Variants in EIF3B observed in about 807,000 individuals in gnomAD.
The protein encoded by EIF3B is eukaryotic translation initiation factor 3 subunit 9.
Under a neutral mutation model 104.6 loss-of-function variants are expected in EIF3B, and 10 were observed. That is an observed-to-expected ratio of 0.10 (90% CI 0.06 to 0.16). EIF3B has a LOEUF of 0.16. Among genes scored for constraint, EIF3B ranks in the 10% least tolerant of loss-of-function variants. The pLI, the probability that EIF3B is intolerant of heterozygous loss-of-function variation, is 1.00. For synonymous variants in EIF3B, 542 were observed against 417.2 expected (o/e 1.30, Z -3.65); for missense variants, 1,014 against 1,087.9 (o/e 0.93, Z 0.96).
rs533417040 is a variant in EIF3B, at chr7:2,380,651, A to G, written c.*462A>G. On this transcript the variant is annotated 3_prime_UTR_variant, in exon 19 of 19. Transcript: ENST00000360876. ...GGACGTGTCCCGGAGACCCACCGGG[A>G]GGGCGCCGCCATGCCTTGTACCCCC... 4.6e-5 allele frequency: 10 copies of G among 219,452 alleles called. No homozygotes were observed. In the East Asian group the frequency reaches 1.5e-3, roughly 33 times the overall value. The allele number at this position is 219,452 out of a possible 1,614,324, so 13.6% of individuals were successfully genotyped here.
In EIF3B at chr7:2,369,632, A is replaced by G; in HGVS notation, c.1564A>G (p.Asn522Asp). 6.2e-7 allele frequency: 1 copy of G among 1,614,180 alleles called. No homozygotes were observed. Among genetic ancestry groups the G allele is most frequent in the Non-Finnish European group, 8.5e-7 (1 of 1,180,040 alleles). The change falls in exon 10 of 19, where the codon AAC becomes GAC. Residue 522 changes from asparagine to aspartate, a missense_variant. Transcript: ENST00000360876. ...VVDCKLHWQK[N>D]GDYLCVKVDR... is the part of the protein sequence containing the mutation. ...GGACTGCAAGCTCCATTGGCAGAAG[A>G]ACGGAGACTACTTGTGTGTGAAAGT...
chr7:2,376,864 C>T, intron 14 of EIF3B, 86 bp from the exon 15 acceptor site: 1 of 1,543,386 alleles, frequency 6.5e-7, no homozygotes. Flanking sequence ...GTCCCCGATA[C>T]CCAGGACCTT....
chr7:2,370,230 A>C lies in EIF3B; in HGVS notation c.1614+548A>C, dbSNP rs190769801. ...AGTGGCCCATGCCTGTAATCCCAGC[A>C]CTTTGGGAGGCCGAGGTGGGCGGAT... On this transcript the variant is annotated intron_variant, in intron 10 of 18. Coordinates refer to ENST00000360876, the MANE Select transcript of EIF3B (RefSeq NM_001037283.2). Among the ~76,000 whole-genome samples the C allele has an allele frequency of 1.3e-3, 191 of 152,256 alleles. 1 individual carries two copies. The highest frequency in any genetic ancestry group is 4.3e-3 in the African/African-American group (177 of 41,556).
Position 2,379,474 on chromosome 7 carries a change from A to G in EIF3B, c.2422A>G (p.Ile808Val), listed in dbSNP as rs1403016435. The change falls in exon 18 of 19, where the codon ATT (isoleucine) becomes GTT (valine). Residue 808 changes from isoleucine to valine, a missense_variant. Physicochemically the swap from Ile to Val is conservative, Grantham distance 29 (BLOSUM62 3). Transcript: ENST00000360876. ...TGAGTTCTTCGTCACTGAAGAAATC[A>G]TTCCCCTCGGGAATCAGGAGTGACC... ...TIEFFVTEEI[I>V]PLGNQE The G allele has an allele frequency of 1.3e-6, 2 of 1,580,432 alleles. No homozygotes were observed. Among genetic ancestry groups the G allele is most frequent in the East Asian group, 2.3e-5 (1 of 43,620 alleles).
chr7:2,378,672 T>C lies in EIF3B; in HGVS notation c.2155-17T>C, dbSNP rs767250222. 3.1e-6 allele frequency: 5 copies of C among 1,608,452 alleles called. No homozygotes were observed. The Admixed American group carries it at 8.3e-5, about 27-fold the overall frequency. On this transcript the variant is annotated splice_polypyrimidine_tract_variant and intron_variant, in intron 15 of 18. Transcript: ENST00000360876. ...GCTTTGAATGTTAAATCCTGAGTGA[T>C]GGGTCTTTTGTTTCAGCAAATTAAA...
In EIF3B at chr7:2,360,797, G is replaced by C. The variant is rs764191350; in HGVS notation, c.587G>C (p.Gly196Ala). 10 of 1,613,790 alleles carry C rather than the reference G, an allele frequency of 6.2e-6. No homozygotes were observed. Among genetic ancestry groups the C allele is most frequent in the Non-Finnish European group, 8.5e-6 (10 of 1,179,728 alleles). The change falls in exon 2 of 19, where the codon GGA (glycine) becomes GCA (alanine). Residue 196 changes from glycine to alanine, a missense_variant. Around this residue, in one of 4 missense-constraint regions of EIF3B, gnomAD observed 488 missense variants for 404.3 expected, o/e 1.21. Coordinates refer to ENST00000360876, the MANE Select transcript of EIF3B (RefSeq NM_001037283.2). ...VIVVDNVPQV[G>A]PDRLEKLKNV... ...GTAGTGGACAATGTCCCTCAGGTGGGACCCGACCGACTTGAGAAACTCAAA... is the reference window on the plus strand; with the variant it reads ...GTAGTGGACAATGTCCCTCAGGTGGCACCCGACCGACTTGAGAAACTCAAA...
chr7:2,355,271 C>T lies in EIF3B; in HGVS notation c.350C>T (p.Ser117Phe), dbSNP rs1426584440. 1.3e-6 allele frequency: 2 copies of T among 1,532,496 alleles called. No homozygotes were observed. The highest frequency in any genetic ancestry group is 2.8e-5 in the African/African-American group (2 of 72,310). The allele number at this position is 1,532,496 out of a possible 1,614,324, so 94.9% of individuals were successfully genotyped here. A position where few individuals can be genotyped will look rare whatever the true frequency, so the allele number is the denominator to read the frequency against. Reference protein sequence around the residue: ...APGEQARDERSDSRAQAVSED... With the variant: ...APGEQARDERFDSRAQAVSED... ...GGAGAGCAGGCTCGGGACGAGCGCTCCGACAGCCGGGCCCAGGCGGTGTCC... is the reference window on the plus strand; with the variant it reads ...GGAGAGCAGGCTCGGGACGAGCGCTTCGACAGCCGGGCCCAGGCGGTGTCC... The change falls in exon 1 of 19, where the codon TCC becomes TTC. Residue 117 changes from serine (S) to phenylalanine (F), a missense_variant. Ser to Phe is a radical substitution (Grantham distance 155). Around this residue, in one of 4 missense-constraint regions of EIF3B, gnomAD observed 488 missense variants for 404.3 expected, o/e 1.21. Coordinates refer to ENST00000360876, the MANE Select transcript of EIF3B (RefSeq NM_001037283.2).
rs747177962 is a variant in EIF3B, at chr7:2,378,760, C to G, written c.2226C>G (p.Ala742=). Residue 742 remains alanine, a synonymous_variant, in exon 16 of 19, where the codon GCC becomes GCG. Transcript: ENST00000360876. ...EQKDRLSQSK[A]SKELVERRRT... is the part of the protein sequence containing the mutation. ...AGGATCGTTTGAGTCAGTCCAAAGC[C>G]TCAAAGGTGAGCCTCATTCCCAAAA... 4.3e-6 allele frequency: 7 copies of G among 1,613,676 alleles called. No homozygotes were observed. The highest frequency in any genetic ancestry group is 5.9e-6 in the Non-Finnish European group (7 of 1,179,720).
chr7:2,354,937 A>G lies in EIF3B; in HGVS notation c.16A>G (p.Asn6Asp). Residue 6 changes from asparagine (N) to aspartate (D), a missense_variant, in exon 1 of 19, where the codon AAC (asparagine) becomes GAC (aspartate). Transcript: ENST00000360876. MQDAE[N>D]VAVPEAAEER... is the part of the protein sequence containing the mutation. ...CGTTGGGCCCATGCAGGACGCGGAG[A>G]ACGTGGCGGTGCCCGAGGCGGCCGA... 4.1e-6 allele frequency: 5 copies of G among 1,228,854 alleles called. No individual in the cohort carries two copies. Among genetic ancestry groups the G allele is most frequent in the Non-Finnish European group, 5.1e-6 (5 of 977,786 alleles). 76.1% of individuals were successfully genotyped at this position (1,228,854 alleles called of 1,614,324 possible).
chr7:2,355,027 C>A lies in EIF3B; in HGVS notation c.106C>A (p.Arg36=). 2.5e-6 allele frequency: 3 copies of A among 1,189,938 alleles called. No homozygotes were observed. Among genetic ancestry groups the A allele is most frequent in the Non-Finnish European group, 2.1e-6 (2 of 962,122 alleles). 73.7% of individuals were successfully genotyped at this position (1,189,938 alleles called of 1,614,324 possible). ...GCCGCCGCCAGCCGAGGGGCTGCTG[C>A]GGCCCGCGGGGCCCGGCGCTCCGGA... The part of the protein sequence containing the change: ...AEPPPAEGLL[R]PAGPGAPEAA... The change falls in exon 1 of 19, where the codon CGG becomes AGG. Residue 36 remains arginine (R), a synonymous_variant. Coordinates refer to ENST00000360876, the MANE Select transcript of EIF3B (RefSeq NM_001037283.2).
chr7:2,366,501 C>A (rs1780034994), intron 7 of EIF3B, 24 bp from the exon 8 acceptor site: 1 of 1,614,126 alleles, frequency 6.2e-7, no homozygotes, highest in Non-Finnish European at 8.5e-7. Context: ...CATGGGAATA[C>A]CCTGGCACTT....
chr7:2,365,509 ACACAC>A (rs1779960506), intron 6 of EIF3B, among the ~76,000 whole-genome samples: 2 of 152,118 alleles, frequency 1.3e-5, no homozygotes, highest in South Asian at 4.1e-4. Context: ...ACCGTCTGTT[ACACAC>A]TTTGTGTGAA....
intron 9 of EIF3B, among the ~76,000 whole-genome samples, chr7:2,367,947 T>A (rs919747051): frequency 2.7e-5 from 4 of 147,864 alleles, no homozygotes; most frequent in African/African-American, 1.0e-4. Flanking sequence ...GTTCAAGTGA[T>A]TCTCCTTGCC....
intron 6 of EIF3B, among the ~76,000 whole-genome samples, chr7:2,365,370 G>A (rs1779950279): frequency 1.3e-5 from 2 of 152,120 alleles, no homozygotes; most frequent in East Asian, 1.9e-4. Flanking sequence ...GTTGTGGAAG[G>A]CAGTGTGAGG....
At position 2,374,538 on chromosome 7, in the gene EIF3B, C is replaced by T; in HGVS notation, c.1821C>T (p.Asp607=). The T allele has an allele frequency of 6.2e-7, 1 of 1,614,030 alleles. No homozygotes were observed. Residue 607 remains aspartate (D), a synonymous_variant, in exon 13 of 19, where the codon GAC becomes GAT. Coordinates refer to ENST00000360876, the MANE Select transcript of EIF3B (RefSeq NM_001037283.2). ...GCTCTTTCCTTTCAGAGATGTTCGA[C>T]AAGCAGCAGGCGAACACCATCTTCT... ...NGKIELIKMF[D]KQQANTIFWS...
intron 9 of EIF3B, among the ~76,000 whole-genome samples, chr7:2,368,741 G>A (rs911783305): frequency 2.0e-5 from 3 of 152,222 alleles, no homozygotes; most frequent in Non-Finnish European, 4.4e-5. Flanking sequence ...GGGAGCCTTC[G>A]GCTCATTTTC....
chr7:2,371,594 G>T (rs2115322354), intron 10 of EIF3B, among the ~76,000 whole-genome samples, 183 bp from the exon 11 acceptor site: 1 of 152,308 alleles, frequency 6.6e-6, no homozygotes, highest in East Asian at 1.9e-4. Flanking sequence ...CGTGGTGCCG[G>T]CAGTTCTCCA....
At chr7:2,362,562 T>A in intron 2 of EIF3B, 83 bp from the exon 3 acceptor site, 1 of 1,563,430 alleles carries the variant, frequency 6.4e-7, no homozygotes, top group Non-Finnish European at 8.7e-7. Context: ...CGAGGGCTTG[T>A]CCGTGGAGAG....
At chr7:2,365,780 A>G (rs753689091) in intron 6 of EIF3B, among the ~76,000 whole-genome samples, 14 of 149,506 alleles carry the variant, frequency 9.4e-5, no homozygotes, top group African/African-American at 1.7e-4. Context: ...GGTTCAAGCT[A>G]TTCTCCTGCC....
Sources: gnomAD v4.1 joint callset for allele counts (sites outside exome capture counted in the v4.1 genomes callset) on GRCh38, gnomAD v4.1.1 for gene constraint, gnomAD v4.1.1 regional missense constraint, MANE v1.5 for transcripts, NCBI Gene and HGNC (gene_info 2026-07-23, HGNC 2026-07-21) for gene names.